Variants in FHIT observed in about 807,000 individuals in gnomAD.
FHIT encodes bis(5'-adenosyl)-triphosphatase.
In FHIT, 19 loss-of-function variants were observed where a neutral mutation model predicts 17.9. That is an observed-to-expected ratio of 1.06 (90% CI 0.74 to 1.56). The LOEUF is 1.56. FHIT is among the 40% of genes most tolerant of loss of function. FHIT has a pLI of 0.00. For missense variants in FHIT, 248 were observed against 189.2 expected, an observed-to-expected ratio of 1.31 and a Z score of -1.82; for synonymous variants, 81 against 69.7, an observed-to-expected ratio of 1.16 and a Z score of -0.81.
chr3:60,071,310 T>C (rs920037535), intron 5 of FHIT, among the ~76,000 whole-genome samples: 11 of 152,240 alleles, frequency 7.2e-5, no homozygotes, highest in Admixed American at 2.0e-4. Context: ...GAAATCATAC[T>C]ATTTTAGATA....
intron 5 of FHIT, among the ~76,000 whole-genome samples, chr3:60,021,501 T>A (rs549765861): frequency 5.9e-5 from 9 of 152,150 alleles, no homozygotes; most frequent in Admixed American, 1.3e-4. Flanking sequence ...GGGAAGAGCA[T>A]CATATCTGGA....
intron 4 of FHIT, among the ~76,000 whole-genome samples, chr3:60,671,752 C>A (rs1480487023): frequency 2.8e-5 from 4 of 145,134 alleles, no homozygotes; most frequent in Non-Finnish European, 6.0e-5. Flanking sequence ...CCAGCCTGAC[C>A]AACATGGTGA....
At chr3:61,054,608 A>G (rs961411438) in intron 2 of FHIT, among the ~76,000 whole-genome samples, 2 of 152,194 alleles carry the variant, frequency 1.3e-5, no homozygotes, top group African/African-American at 4.8e-5. Context: ...TTTCATCAAT[A>G]TAACTATTCT....
intron 5 of FHIT, among the ~76,000 whole-genome samples, chr3:60,443,805 C>G (rs140884634): frequency 6.6e-6 from 1 of 152,134 alleles, no homozygotes; most frequent in East Asian, 1.9e-4. Flanking sequence ...GTCTAAAACA[C>G]CAAAAGCAAT....
chr3:60,198,582 C>T (rs1395811872), intron 5 of FHIT, among the ~76,000 whole-genome samples: 1 of 152,132 alleles, frequency 6.6e-6, no homozygotes, highest in Non-Finnish European at 1.5e-5. Flanking sequence ...TGCCTGAACA[C>T]ATAATAGGCT....
At chr3:59,785,847 C>T (rs1699257433) in intron 8 of FHIT, among the ~76,000 whole-genome samples, 1 of 152,130 alleles carries the variant, frequency 6.6e-6, no homozygotes, top group South Asian at 2.1e-4. Context: ...TGGATTGTTC[C>T]TTGTAATCTC....
chr3:59,968,737 G>A (rs934560680), intron 7 of FHIT, among the ~76,000 whole-genome samples: 2 of 152,178 alleles, frequency 1.3e-5, no homozygotes, highest in African/African-American at 4.8e-5. Context: ...GTGCCAAAGT[G>A]TGTTTCCACA....
intron 2 of FHIT, among the ~76,000 whole-genome samples, chr3:61,143,881 C>G (rs550253683): frequency 6.6e-6 from 1 of 152,210 alleles, no homozygotes; most frequent in South Asian, 2.1e-4. Context: ...AACAAACAAA[C>G]AAACAAAACT....
intron 5 of FHIT, among the ~76,000 whole-genome samples, chr3:60,222,264 A>T (rs1418459619): frequency 6.6e-6 from 1 of 152,150 alleles, no homozygotes; most frequent in African/African-American, 2.4e-5. Context: ...TTCAAGTCCT[A>T]GTCCCTCTTA....
At chr3:61,243,670 AC>A (rs527459982) in intron 1 of FHIT, among the ~76,000 whole-genome samples, 29 of 152,198 alleles carry the variant, frequency 1.9e-4, no homozygotes, top group Non-Finnish European at 4.1e-4. Context: ...AAAGCATGTC[AC>A]TGAGTTTCTT....
At chr3:59,971,981 G>A (rs928744213) in intron 7 of FHIT, among the ~76,000 whole-genome samples, 4 of 152,092 alleles carry the variant, frequency 2.6e-5, no homozygotes, top group Non-Finnish European at 4.4e-5. Flanking sequence ...ACCCCTTCAT[G>A]CTAGGCCCTG....
At chr3:60,522,510 T>C (rs894736279) in intron 5 of FHIT, among the ~76,000 whole-genome samples, 3 of 152,154 alleles carry the variant, frequency 2.0e-5, no homozygotes, top group South Asian at 2.1e-4. Context: ...GGAGGATGGA[T>C]AGTGGTAGAC....
intron 3 of FHIT, among the ~76,000 whole-genome samples, chr3:60,863,233 A>G (rs11130790): frequency 0.6 from 90,929 of 152,132 alleles, 31,166 homozygotes; most frequent in East Asian, 1. Flanking sequence ...ACAGACATAA[A>G]GAAAATAGGG....
intron 4 of FHIT, among the ~76,000 whole-genome samples, chr3:60,710,094 A>C (rs948383859): frequency 2.0e-5 from 3 of 151,888 alleles, no homozygotes; most frequent in African/African-American, 7.2e-5. Context: ...AAAAAAAAAA[A>C]ACTCAACAAT....
chr3:59,864,204 G>C (rs1167652301), intron 8 of FHIT, among the ~76,000 whole-genome samples: 1 of 152,170 alleles, frequency 6.6e-6, no homozygotes, highest in Admixed American at 6.5e-5. Flanking sequence ...AACTTGAATT[G>C]TATCTACCAG....
intron 8 of FHIT, among the ~76,000 whole-genome samples, chr3:59,848,744 C>T (rs1039808189): frequency 2.6e-5 from 4 of 152,230 alleles, no homozygotes; most frequent in African/African-American, 9.6e-5. Flanking sequence ...GTCTGAGGAA[C>T]CTTTCCAAAT....
At chr3:60,186,478 T>C (rs539932654) in intron 5 of FHIT, among the ~76,000 whole-genome samples, 6 of 152,254 alleles carry the variant, frequency 3.9e-5, no homozygotes, top group Non-Finnish European at 7.4e-5. Context: ...TTTTCGAAAA[T>C]CCAAGAAAAC....
intron 4 of FHIT, among the ~76,000 whole-genome samples, chr3:60,620,698 G>A (rs2039098902): frequency 6.6e-6 from 1 of 151,942 alleles, no homozygotes. Flanking sequence ...TTTTAGGGCA[G>A]TAAAACTATT....
intron 4 of FHIT, among the ~76,000 whole-genome samples, chr3:60,602,238 T>A (rs2038467699): frequency 6.6e-6 from 1 of 152,178 alleles, no homozygotes; most frequent in South Asian, 2.1e-4. Flanking sequence ...ATTAAGCTAT[T>A]ACACATCAAG....
Sources: gnomAD v4.1 joint callset for allele counts (sites outside exome capture counted in the v4.1 genomes callset) on GRCh38, gnomAD v4.1.1 for gene constraint, MANE v1.5 for transcripts, NCBI Gene and HGNC (gene_info 2026-07-23, HGNC 2026-07-21) for gene names.